The following IGFL2 variants were observed in gnomAD, a reference collection of about 807,000 sequenced individuals.
IGFL2 encodes the protein insulin growth factor-like family member 2.
A neutral mutation model predicts 13.9 loss-of-function variants in IGFL2; 7 were observed. That is an observed-to-expected ratio of 0.51 (90% CI 0.29 to 0.95). The LOEUF is 0.95. IGFL2 is among the 40% of genes least tolerant of loss of function. The pLI is 0.08. For synonymous variants in IGFL2, 55 were observed against 55.8 expected (o/e 0.99, Z 0.07); for missense variants, 138 against 147.8 (o/e 0.93, Z 0.34).
At chr19:46,124,433 C>G in the IGFL2 span, 1 of 1,281,910 alleles carries the variant, frequency 7.8e-7, no homozygotes, top group Middle Eastern at 1.9e-4. Context: ...GAGATTATCA[C>G]TTGGGGCTAA....
chr19:46,178,533 A>T, the IGFL2 span, among the ~76,000 whole-genome samples: 3 of 152,286 alleles, frequency 2.0e-5, no homozygotes, highest in African/African-American at 7.2e-5. Context: ...TCTAGGAGAG[A>T]TTAAATGAGA....
chr19:46,138,503 G>A (rs979873898), upstream of IGFL2, among the ~76,000 whole-genome samples: 1 of 152,200 alleles, frequency 6.6e-6, no homozygotes, highest in Admixed American at 6.5e-5. Flanking sequence ...TCACACATGT[G>A]CTGGTGGTGG....
At chr19:46,106,114 A>G in the IGFL2 span, among the ~76,000 whole-genome samples, 1 of 152,114 alleles carries the variant, frequency 6.6e-6, no homozygotes, top group Non-Finnish European at 1.5e-5. Flanking sequence ...TGTTTGTAGA[A>G]GGGGTTGGGG....
the IGFL2 span, among the ~76,000 whole-genome samples, chr19:46,170,350 T>C: frequency 6.6e-6 from 1 of 152,224 alleles, no homozygotes; most frequent in Non-Finnish European, 1.5e-5. Flanking sequence ...AATACTCTTA[T>C]AATTTCCTAT....
the IGFL2 span, chr19:46,137,662 G>A: frequency 3.3e-5 from 21 of 629,416 alleles, no homozygotes; most frequent in Non-Finnish European, 5.4e-5. Context: ...ACACCTATGC[G>A]GCCAGTGTGG....
chr19:46,122,815 C>A, the IGFL2 span, among the ~76,000 whole-genome samples: 25 of 150,864 alleles, frequency 1.7e-4, 3 homozygotes, highest in African/African-American at 6.1e-4. Context: ...TCTGAACACC[C>A]TTCCAGTAAG....
At chr19:46,101,097 C>T in the IGFL2 span, 1 of 152,432 alleles carries the variant, frequency 6.6e-6, no homozygotes, top group Non-Finnish European at 1.5e-5. Context: ...CTGCTCCTTC[C>T]TCTGGGATCT....
At chr19:46,202,924 A>G in the IGFL2 span, 2 of 152,228 alleles carry the variant, frequency 1.3e-5, no homozygotes, top group African/African-American at 4.8e-5. Flanking sequence ...GGGCGAGGAC[A>G]GGGGACCGGT....
At chr19:46,194,103 G>A in the IGFL2 span, among the ~76,000 whole-genome samples, 6 of 152,126 alleles carry the variant, frequency 3.9e-5, no homozygotes, top group East Asian at 7.7e-4. Context: ...ACGGGACACA[G>A]GGGCCTGAGT....
At chr19:46,198,284 A>T in the IGFL2 span, 6,085 of 148,556 alleles carry the variant, frequency 0.041, 157 homozygotes, top group South Asian at 0.084. Context: ...AATTAAAAAA[A>T]TTTTTTTTTT....
chr19:46,143,542 A>C (rs1374917923), upstream of IGFL2, among the ~76,000 whole-genome samples: 5 of 151,990 alleles, frequency 3.3e-5, no homozygotes, highest in Non-Finnish European at 5.9e-5. Context: ...CTGGGACTAT[A>C]GGTGTGAGCC....
chr19:46,208,078 T>A, the IGFL2 span: 1 of 152,334 alleles, frequency 6.6e-6, no homozygotes, highest in Non-Finnish European at 1.5e-5. Context: ...CAAAGCAGGT[T>A]AATTACTTAC....
chr19:46,177,335 G>A, the IGFL2 span, among the ~76,000 whole-genome samples: 1 of 152,186 alleles, frequency 6.6e-6, no homozygotes, highest in Non-Finnish European at 1.5e-5. Context: ...AGAGGTTGTA[G>A]TGAGCTGAGA....
the IGFL2 span, among the ~76,000 whole-genome samples, chr19:46,117,558 A>G: frequency 6.6e-6 from 1 of 152,168 alleles, no homozygotes; most frequent in South Asian, 2.1e-4. Flanking sequence ...AGCTCACTGC[A>G]GCCTCAAACT....
At chr19:46,128,557 G>T in the IGFL2 span, among the ~76,000 whole-genome samples, 1 of 152,102 alleles carries the variant, frequency 6.6e-6, no homozygotes, top group African/African-American at 2.4e-5. Context: ...ACATGAAGAG[G>T]TGTTGAATTT....
At chr19:46,141,583 T>C (rs569144382), upstream of IGFL2, among the ~76,000 whole-genome samples, 121 of 152,242 alleles carry the variant, frequency 7.9e-4, 1 homozygote, top group Middle Eastern at 0.017. Context: ...GGTGGCCCTC[T>C]GTCATCCAGC....
chr19:46,158,366 G>A (rs926593576), intron 1 of IGFL2, among the ~76,000 whole-genome samples: 11 of 151,992 alleles, frequency 7.2e-5, no homozygotes, highest in Admixed American at 2.0e-4. Flanking sequence ...GCACTACCAT[G>A]CCTGGCTAAT....
the IGFL2 span, among the ~76,000 whole-genome samples, chr19:46,078,626 T>A: frequency 6.6e-6 from 1 of 152,262 alleles, no homozygotes; most frequent in Non-Finnish European, 1.5e-5. Context: ...AGCATTCAAG[T>A]GTGGAGTCAA....
At chr19:46,081,942 T>C in the IGFL2 span, among the ~76,000 whole-genome samples, 1 of 152,248 alleles carries the variant, frequency 6.6e-6, no homozygotes, top group Non-Finnish European at 1.5e-5. Context: ...GTGTGCAGTT[T>C]TATAGTTGTT....
Sources: gnomAD v4.1 joint callset for allele counts (sites outside exome capture counted in the v4.1 genomes callset) on GRCh38, gnomAD v4.1.1 for gene constraint, MANE v1.5 for transcripts, NCBI Gene and HGNC (gene_info 2026-07-23, HGNC 2026-07-21) for gene names.